The following LARGE1 variants were observed in gnomAD, a reference collection of about 807,000 sequenced individuals.
The protein encoded by LARGE1 is xylosyl- and glucuronyltransferase LARGE1.
LARGE1 carries 43 observed loss-of-function variants against 87.6 expected under a neutral mutation model. That is an observed-to-expected ratio of 0.49 (90% confidence interval 0.38 to 0.63). The LOEUF (loss-of-function observed/expected upper bound fraction) is 0.63. LARGE1 is among the 30% of genes least tolerant of loss of function. LARGE1 has a pLI of 0.00. For synonymous variants in LARGE1, 434 were observed against 394.6 expected (o/e 1.10, Z -1.18); for missense variants, 802 against 1,000.2 (o/e 0.80, Z 2.67).
chr22:33,765,368 A>G (rs1236188711), intron 1 of LARGE1, among the ~76,000 whole-genome samples: 1 of 152,044 alleles, frequency 6.6e-6, no homozygotes. Flanking sequence ...ATAACTGTTA[A>G]CTCTCATTCC....
At position 33,470,804 on chromosome 22, in the gene LARGE1, G is replaced by A. The variant is rs1374923210; in HGVS notation, c.788-38539C>T. Reference sequence around the variant, plus strand: ...TAGATTCAGTTCAAATGCCTCCTCTGAGTAAAAGGCAGTGTAGTCTCATAG... The same window carrying A: ...TAGATTCAGTTCAAATGCCTCCTCTAAGTAAAAGGCAGTGTAGTCTCATAG... On this transcript the variant is annotated intron_variant, in intron 6 of 14. Transcript: ENST00000397394. Among the ~76,000 whole-genome samples, 5 of 152,262 alleles carry A rather than the reference G, an allele frequency of 3.3e-5. No homozygotes were observed. In the East Asian group the frequency reaches 9.7e-4, roughly 29 times the overall value.
intron 7 of LARGE1, among the ~76,000 whole-genome samples, chr22:33,387,934 C>G (rs913371086): frequency 3.9e-5 from 6 of 152,178 alleles, no homozygotes; most frequent in African/African-American, 1.4e-4. Flanking sequence ...TAAAGTTCAT[C>G]TCATTCTACC....
intron 9 of LARGE1, among the ~76,000 whole-genome samples, chr22:33,366,318 G>A (rs760979241): frequency 1.3e-5 from 2 of 152,132 alleles, no homozygotes; most frequent in Non-Finnish European, 2.9e-5. Context: ...CTAATTGCAC[G>A]GCCCTGAGCA....
At chr22:33,203,800 A>C (rs1602088513) in intron 11 of LARGE1, among the ~76,000 whole-genome samples, 1 of 152,188 alleles carries the variant, frequency 6.6e-6, no homozygotes, top group Non-Finnish European at 1.5e-5. Flanking sequence ...GATCTGGCTG[A>C]AGCATCACCT....
intron 5 of LARGE1, among the ~76,000 whole-genome samples, chr22:33,588,886 G>T (rs1025060505): frequency 5.9e-5 from 9 of 152,158 alleles, no homozygotes; most frequent in Non-Finnish European, 1.0e-4. Flanking sequence ...GGGGTGGGAG[G>T]CCTTCCCTGA....
At chr22:33,183,929 T>C (rs1421666566) in intron 11 of LARGE1, among the ~76,000 whole-genome samples, 1 of 151,872 alleles carries the variant, frequency 6.6e-6, no homozygotes, top group Non-Finnish European at 1.5e-5. Context: ...GGGGATTGAA[T>C]GCACAGAATG....
intron 6 of LARGE1, among the ~76,000 whole-genome samples, chr22:33,461,230 G>A (rs2068369632): frequency 6.6e-6 from 1 of 152,178 alleles, no homozygotes; most frequent in Admixed American, 6.5e-5. Flanking sequence ...GGAGGTTACA[G>A]TGAGCTATGA....
the LARGE1 span, among the ~76,000 whole-genome samples, chr22:33,121,230 C>A: frequency 6.6e-6 from 1 of 152,160 alleles, no homozygotes; most frequent in Non-Finnish European, 1.5e-5. Flanking sequence ...AGCTCAAAAG[C>A]ATCCTGGCCA....
intron 11 of LARGE1, among the ~76,000 whole-genome samples, chr22:33,192,249 C>T (rs1283158423): frequency 6.6e-6 from 1 of 152,194 alleles, no homozygotes; most frequent in Admixed American, 6.5e-5. Context: ...GGAACTGAGA[C>T]ATCCGAAAGG....
intron 11 of LARGE1, among the ~76,000 whole-genome samples, chr22:33,178,060 C>T (rs1922972524): frequency 6.6e-6 from 1 of 152,164 alleles, no homozygotes; most frequent in Non-Finnish European, 1.5e-5. Flanking sequence ...AACTGTGAGT[C>T]ATTTAAACCT....
At chr22:33,208,954 C>T (rs1924822952) in intron 11 of LARGE1, among the ~76,000 whole-genome samples, 1 of 152,190 alleles carries the variant, frequency 6.6e-6, no homozygotes, top group South Asian at 2.1e-4. Flanking sequence ...GCCACACTTT[C>T]TTTATCCAGT....
intron 11 of LARGE1, among the ~76,000 whole-genome samples, chr22:33,250,181 A>T (rs1926948693): frequency 6.6e-6 from 1 of 152,146 alleles, no homozygotes; most frequent in South Asian, 2.1e-4. Flanking sequence ...CTCTCCATTT[A>T]TTTAGTTCTT....
chr22:33,716,136 C>A (rs932743924), intron 2 of LARGE1, among the ~76,000 whole-genome samples: 2 of 152,164 alleles, frequency 1.3e-5, no homozygotes, highest in African/African-American at 4.8e-5. Context: ...GCCTTCAAAT[C>A]TGTTCCCATA....
At chr22:33,430,413 T>C (rs2067037952) in intron 7 of LARGE1, among the ~76,000 whole-genome samples, 1 of 152,266 alleles carries the variant, frequency 6.6e-6, no homozygotes, top group East Asian at 1.9e-4. Flanking sequence ...CTCAGCTGCC[T>C]TTCCCCAACC....
chr22:33,249,859 T>C lies in LARGE1; in HGVS notation c.1730+54370A>G, dbSNP rs187429459. 2.6e-5 allele frequency among the ~76,000 whole-genome samples: 4 copies of C among 152,342 alleles called. No individual in the cohort carries two copies. The East Asian group carries it at 7.7e-4, about 29-fold the overall frequency. On this transcript the variant is annotated intron_variant, in intron 11 of 11. Coordinates refer to the LARGE1 transcript ENST00000608642. ...GATCAGCTGACTATATTTATGTGGG[T>C]TTATTTCTGGGCTTTCTATTCTGTT...
chr22:33,881,436 T>G (rs1341161850), intron 1 of LARGE1, among the ~76,000 whole-genome samples: 1 of 152,202 alleles, frequency 6.6e-6, no homozygotes, highest in East Asian at 1.9e-4. Context: ...GGAAAGGATT[T>G]TTGAGAAATG....
At chr22:33,774,420 G>A (rs978692289) in intron 1 of LARGE1, among the ~76,000 whole-genome samples, 7 of 152,010 alleles carry the variant, frequency 4.6e-5, no homozygotes, top group South Asian at 2.1e-4. Context: ...GCAGTGGCAC[G>A]ATCTCGGTTC....
At chr22:33,755,358 C>A (rs375114822) in intron 2 of LARGE1, among the ~76,000 whole-genome samples, 11 of 152,176 alleles carry the variant, frequency 7.2e-5, no homozygotes, top group African/African-American at 2.7e-4. Context: ...CACATTGTCC[C>A]GGACTGCCTC....
At chr22:33,813,501 G>C (rs1044345381) in intron 1 of LARGE1, among the ~76,000 whole-genome samples, 5 of 152,028 alleles carry the variant, frequency 3.3e-5, no homozygotes, top group Non-Finnish European at 7.4e-5. Context: ...CGGCCCACCA[G>C]ATACATAAAA....
Sources: gnomAD v4.1 joint callset for allele counts (sites outside exome capture counted in the v4.1 genomes callset) on GRCh38, gnomAD v4.1.1 for gene constraint, MANE v1.5 for transcripts, NCBI Gene and HGNC (gene_info 2026-07-23, HGNC 2026-07-21) for gene names.